SCAPER: variants seen among roughly 807,000 people sequenced by gnomAD.
The protein encoded by SCAPER is S-phase cyclin A associated protein in the ER, also known as S phase cyclin A-associated protein in the endoplasmic reticulum.
In SCAPER, 98 loss-of-function variants were observed where a neutral mutation model predicts 182.2. The observed-to-expected ratio is 0.54, with a 90% CI of 0.46 to 0.64. The LOEUF (loss-of-function observed/expected upper bound fraction) is 0.64. SCAPER is among the 30% of genes least tolerant of loss of function. The pLI is 0.00. For missense variants in SCAPER, 1,432 were observed against 1,690.0 expected, an observed-to-expected ratio of 0.85 and a Z score of 2.68; for synonymous variants, 605 against 564.6, an observed-to-expected ratio of 1.07 and a Z score of -1.01.
intron 27 of SCAPER, among the ~76,000 whole-genome samples, chr15:76,397,126 C>T (rs1156701390): frequency 6.7e-6 from 1 of 150,098 alleles, no homozygotes; most frequent in South Asian, 2.1e-4. Flanking sequence ...AATGATGTAT[C>T]ACACTGACTA....
Position 76,841,830 on chromosome 15 carries a change from T to A in SCAPER, c.297A>T (p.Arg99Ser). The change falls in exon 5 of 32, where the codon AGA becomes AGT. Residue 99 changes from arginine (R) to serine (S), a missense_variant. Arg to Ser is a moderately radical substitution (Grantham distance 110). This residue lies in a region of SCAPER where 480 missense variants were observed against 510.2 expected (regional missense o/e 0.94). Coordinates refer to ENST00000563290, the MANE Select transcript of SCAPER (RefSeq NM_020843.4). ...CAAAAAGAAATGCCCAGTATCGAGC[T>A]CTTAGATCAATTTTCCGAGGGTGCC... ...KTRHPRKIDL[R>S]ARYWAFLFDN... The A allele has an allele frequency of 6.2e-7, 1 of 1,613,942 alleles. No individual in the cohort carries two copies. Among genetic ancestry groups the A allele is most frequent in the South Asian group, 1.1e-5 (1 of 91,088 alleles).
At chr15:76,514,685 G>T (rs1002029998) in intron 23 of SCAPER, among the ~76,000 whole-genome samples, 1 of 152,214 alleles carries the variant, frequency 6.6e-6, no homozygotes, top group African/African-American at 2.4e-5. Context: ...GACCTGTTTA[G>T]AGAAAATACA....
At chr15:76,363,873 T>C (rs1343977435) in intron 29 of SCAPER, among the ~76,000 whole-genome samples, 1 of 152,202 alleles carries the variant, frequency 6.6e-6, no homozygotes, top group African/African-American at 2.4e-5. Flanking sequence ...GCGAGGCCAG[T>C]GCAAGAGCCA....
intron 25 of SCAPER, among the ~76,000 whole-genome samples, chr15:76,467,504 A>C (rs929502227): frequency 1.3e-5 from 2 of 151,756 alleles, no homozygotes; most frequent in African/African-American, 4.8e-5. Context: ...GCAGTGGCAC[A>C]ATCATGGCCC....
At chr15:76,875,465 A>G (rs2073072702) in intron 2 of SCAPER, among the ~76,000 whole-genome samples, 1 of 152,126 alleles carries the variant, frequency 6.6e-6, no homozygotes, top group Non-Finnish European at 1.5e-5. Context: ...CCAATATGGC[A>G]AAACCCCATC....
At chr15:76,518,759 T>A (rs1394712643) in intron 23 of SCAPER, among the ~76,000 whole-genome samples, 1 of 152,226 alleles carries the variant, frequency 6.6e-6, no homozygotes, top group Non-Finnish European at 1.5e-5. Context: ...GTACCCACAT[T>A]AATCTATACT....
chr15:76,717,205 A>T (rs2059935469), intron 17 of SCAPER, among the ~76,000 whole-genome samples: 1 of 151,962 alleles, frequency 6.6e-6, no homozygotes, highest in Non-Finnish European at 1.5e-5. Flanking sequence ...ATCCTTCAGA[A>T]ATGAAGGAGA....
chr15:76,432,187 C>T (rs2046915359), intron 26 of SCAPER, among the ~76,000 whole-genome samples: 1 of 152,160 alleles, frequency 6.6e-6, no homozygotes, highest in Non-Finnish European at 1.5e-5. Context: ...TGACATTCGT[C>T]AGCAGAGAGG....
chr15:76,348,555 T>G lies in SCAPER; in HGVS notation c.*78A>C. On this transcript the variant is annotated 3_prime_UTR_variant, in exon 32 of 32. Coordinates refer to ENST00000563290, the MANE Select transcript of SCAPER (RefSeq NM_020843.4). ...GTATAAACATGGGAAAATGAGTTCT[T>G]AAGGAACAATTAGAATGTTTGTTTG... The G allele has an allele frequency of 1.0e-6, 1 of 1,004,058 alleles. No individual in the cohort carries two copies. Among genetic ancestry groups the G allele is most frequent in the Non-Finnish European group, 1.5e-6 (1 of 681,804 alleles). The allele number at this position is 1,004,058 out of a possible 1,614,324, so 62.2% of individuals were successfully genotyped here.
chr15:76,863,799 G>A lies in SCAPER; in HGVS notation c.7-1266C>T, dbSNP rs371478161. On this transcript the variant is annotated intron_variant, in intron 2 of 31. Transcript: ENST00000563290. ...GGACACTGCATAACTTCTGAGACTAGGTCATCAGAAGCTTTGCAGCCTCCA... is the reference window on the plus strand; with the variant it reads ...GGACACTGCATAACTTCTGAGACTAAGTCATCAGAAGCTTTGCAGCCTCCA... 2.0e-4 allele frequency among the ~76,000 whole-genome samples: 31 copies of A among 152,198 alleles called. 1 individual carries two copies. In the East Asian group the frequency reaches 3.1e-3, roughly 15 times the overall value.
chr15:76,566,407 C>T lies in SCAPER; in HGVS notation c.2838+7751G>A, dbSNP rs920870674. Reference sequence around the variant, plus strand: ...ATTCGAAAGAGTCACAGCTGAATCTCTATTTAAATTTGGCAGGATTCTATA... The same window carrying T: ...ATTCGAAAGAGTCACAGCTGAATCTTTATTTAAATTTGGCAGGATTCTATA... On this transcript the variant is annotated intron_variant, in intron 23 of 31. Coordinates refer to ENST00000563290, the MANE Select transcript of SCAPER (RefSeq NM_020843.4). Among the ~76,000 whole-genome samples, 4 of 152,110 alleles carry T rather than the reference C, an allele frequency of 2.6e-5. No homozygotes were observed. The East Asian group carries it at 7.7e-4, about 29-fold the overall frequency.
intron 23 of SCAPER, among the ~76,000 whole-genome samples, chr15:76,518,615 C>T (rs2042619304): frequency 6.6e-6 from 1 of 152,052 alleles, no homozygotes; most frequent in South Asian, 2.1e-4. Flanking sequence ...TCTCTAGCAC[C>T]TAAAAGGCTT....
chr15:76,863,032 T>G (rs1000223329), intron 2 of SCAPER, among the ~76,000 whole-genome samples: 1 of 152,214 alleles, frequency 6.6e-6, no homozygotes, highest in African/African-American at 2.4e-5. Flanking sequence ...TAATTGCTGT[T>G]AACAGGTAAA....
chr15:76,426,270 G>A (rs1260375025), intron 26 of SCAPER, among the ~76,000 whole-genome samples: 1 of 152,204 alleles, frequency 6.6e-6, no homozygotes, highest in African/African-American at 2.4e-5. Flanking sequence ...CCCAGTTCGA[G>A]CTTCCTGGCC....
chr15:76,684,408 T>C (rs1417147241), intron 20 of SCAPER, among the ~76,000 whole-genome samples: 1 of 152,198 alleles, frequency 6.6e-6, no homozygotes, highest in African/African-American at 2.4e-5. Context: ...TACTCTGATT[T>C]GGTCATTACA....
chr15:76,588,390 T>G (rs1258052949), intron 22 of SCAPER, among the ~76,000 whole-genome samples: 2 of 152,242 alleles, frequency 1.3e-5, no homozygotes, highest in Non-Finnish European at 2.9e-5. Flanking sequence ...TGAAGTTTGC[T>G]TTGTCTGATA....
At chr15:76,351,339 T>G in intron 30 of SCAPER, 51 bp from the exon 31 acceptor site, 1 of 1,516,204 alleles carries the variant, frequency 6.6e-7, no homozygotes, top group Non-Finnish European at 9.0e-7. Context: ...AACAGAGAAT[T>G]TCACTAAGGG....
rs1255393122 is a variant in SCAPER, at chr15:76,761,291, T to C, written c.1725+3670A>G. 2.0e-5 allele frequency among the ~76,000 whole-genome samples: 3 copies of C among 152,304 alleles called. No individual in the cohort carries two copies. The East Asian group carries it at 5.8e-4, about 29-fold the overall frequency. On this transcript the variant is annotated intron_variant, in intron 14 of 31. Coordinates refer to ENST00000563290, the MANE Select transcript of SCAPER (RefSeq NM_020843.4). ...TTCTTTCCAACAAACCACCGTTTTGTTGATTTTTTCCCATCGTTTTTCTCT... is the reference window on the plus strand; with the variant it reads ...TTCTTTCCAACAAACCACCGTTTTGCTGATTTTTTCCCATCGTTTTTCTCT...
intron 20 of SCAPER, among the ~76,000 whole-genome samples, chr15:76,666,644 C>T (rs1008445416): frequency 6.6e-6 from 1 of 151,966 alleles, no homozygotes; most frequent in Non-Finnish European, 1.5e-5. Context: ...GGCAGTCAAG[C>T]AACTTTACAT....
Sources: gnomAD v4.1 joint callset for allele counts (sites outside exome capture counted in the v4.1 genomes callset) on GRCh38, gnomAD v4.1.1 for gene constraint, gnomAD v4.1.1 regional missense constraint, MANE v1.5 for transcripts, NCBI Gene and HGNC (gene_info 2026-07-23, HGNC 2026-07-21) for gene names.